Variants in TNFRSF10D observed in about 807,000 individuals in gnomAD.
TNFRSF10D encodes tumor necrosis factor receptor superfamily member 10D.
A neutral mutation model predicts 42.1 loss-of-function variants in TNFRSF10D; 28 were observed. The ratio of observed to expected loss-of-function variants is 0.66; its 90% CI spans 0.49 to 0.91. The LOEUF is 0.91. TNFRSF10D is among the 40% of genes least tolerant of loss of function. The probability of loss-of-function intolerance (pLI) is 0.00; values close to 1 mark genes in which losing one functional copy is unlikely to be tolerated. For missense variants in TNFRSF10D, 503 were observed against 486.1 expected (o/e 1.03, Z -0.33); for synonymous variants, 186 against 189.4 (o/e 0.98, Z 0.15).
Position 23,158,610 on chromosome 8 carries a change from G to A in TNFRSF10D, c.151-3631C>T, listed in dbSNP as rs188166381. 2.6e-5 allele frequency among the ~76,000 whole-genome samples: 4 copies of A among 152,170 alleles called. No individual in the cohort carries two copies. In the East Asian group the frequency reaches 7.7e-4, roughly 29 times the overall value. ...CCTATACGTTTACCATTTAAACTAC[G>A]GTTGTCTAGTCTAATTTTTTTACTC... On this transcript the variant is annotated intron_variant, in intron 1 of 8. Coordinates refer to ENST00000312584, the MANE Select transcript of TNFRSF10D (RefSeq NM_003840.5).
At chr8:23,155,718 C>CA (rs1230033117) in intron 1 of TNFRSF10D, among the ~76,000 whole-genome samples, 1 of 149,142 alleles carries the variant, frequency 6.7e-6, no homozygotes, top group African/African-American at 2.5e-5. Flanking sequence ...AAACAAAAAA[C>CA]AAAAAACAAA....
chr8:23,163,994 T>C lies in TNFRSF10D; in HGVS notation c.-59A>G, dbSNP rs1585268546. 1.3e-6 allele frequency: 2 copies of C among 1,494,444 alleles called. No homozygotes were observed. Among genetic ancestry groups the C allele is most frequent in the Middle Eastern group, 3.6e-4 (2 of 5,630 alleles). The allele number at this position is 1,494,444 out of a possible 1,614,324, so 92.6% of individuals were successfully genotyped here. On this transcript the variant is annotated 5_prime_UTR_variant, in exon 1 of 9. Transcript: ENST00000312584. Reference sequence around the variant, plus strand: ...AATCAATCAGAAATCGTCCCCGTAGTTTGTGCGCGTGCAAAGGTTCTCGCA... The same window carrying C: ...AATCAATCAGAAATCGTCCCCGTAGCTTGTGCGCGTGCAAAGGTTCTCGCA...
At chr8:23,141,841 A>G (rs2128835900) in intron 7 of TNFRSF10D, among the ~76,000 whole-genome samples, 2 of 152,370 alleles carry the variant, frequency 1.3e-5, no homozygotes, top group Admixed American at 1.3e-4. Flanking sequence ...ACTATGAAGA[A>G]AAAGGATCAT....
At chr8:23,147,828 C>T (rs1563357769) in intron 3 of TNFRSF10D, among the ~76,000 whole-genome samples, 1 of 151,720 alleles carries the variant, frequency 6.6e-6, no homozygotes, top group Non-Finnish European at 1.5e-5. Context: ...TTTGGGAGGC[C>T]GAGGTGGGTG....
Position 23,145,061 on chromosome 8 carries a change from G to C in TNFRSF10D, c.765C>G (p.His255Gln), listed in dbSNP as rs745851180. The change falls in exon 6 of 9, where the codon CAC becomes CAG. Residue 255 changes from histidine to glutamine, a missense_variant. Coordinates refer to ENST00000312584, the MANE Select transcript of TNFRSF10D (RefSeq NM_003840.5). The stretch of plus-strand genomic sequence containing the variant: ...GTTTCTGGAGAAACCAACTCACTCT[G>C]TGCACACGTTCGGGACCTCCTCCAC... ...SGGGGGPERV[H>Q]RVLFRRRSCP... 1.9e-6 allele frequency: 3 copies of C among 1,614,012 alleles called. No individual in the cohort carries two copies. The highest frequency in any genetic ancestry group is 1.7e-6 in the Non-Finnish European group (2 of 1,180,022).
chr8:23,155,304 AGGT>A (rs1205393137), intron 1 of TNFRSF10D, among the ~76,000 whole-genome samples: 1 of 151,148 alleles, frequency 6.6e-6, no homozygotes, highest in Non-Finnish European at 1.5e-5. Context: ...GTCTATTCAC[AGGT>A]GTGATCATAG....
intron 1 of TNFRSF10D, among the ~76,000 whole-genome samples, chr8:23,157,191 C>A (rs543696513): frequency 3.1e-4 from 47 of 152,178 alleles, no homozygotes; most frequent in Non-Finnish European, 6.8e-4. Flanking sequence ...TCAGGAGTAA[C>A]TCCCCATCTC....
chr8:23,154,368 C>G (rs1800246646), intron 2 of TNFRSF10D, among the ~76,000 whole-genome samples: 2 of 152,102 alleles, frequency 1.3e-5, no homozygotes, highest in African/African-American at 4.8e-5. Context: ...GGAATATATT[C>G]CATGGAACAA....
At chr8:23,145,359 C>G (rs1271510005) in intron 5 of TNFRSF10D, among the ~76,000 whole-genome samples, 2 of 152,252 alleles carry the variant, frequency 1.3e-5, no homozygotes, top group Admixed American at 6.5e-5. Context: ...CATCCTGACC[C>G]TTGTCACCCA....
chr8:23,146,196 G>A (rs1165072799), intron 4 of TNFRSF10D, among the ~76,000 whole-genome samples: 1 of 152,218 alleles, frequency 6.6e-6, no homozygotes, highest in African/African-American at 2.4e-5. Context: ...CTGGGCTGCA[G>A]GGGAGGCCTG....
chr8:23,159,457 CT>C (rs1032077151), intron 1 of TNFRSF10D, among the ~76,000 whole-genome samples: 6 of 152,314 alleles, frequency 3.9e-5, no homozygotes, highest in Middle Eastern at 3.4e-3. Context: ...AACCACTCAG[CT>C]TTTTAGCCTC....
chr8:23,138,229 C>T lies in TNFRSF10D; in HGVS notation c.986G>A (p.Arg329Lys), dbSNP rs556077192. 1.2e-6 allele frequency: 2 copies of T among 1,614,238 alleles called. No homozygotes were observed. The highest frequency in any genetic ancestry group is 2.2e-5 in the East Asian group (1 of 44,884). The change falls in exon 8 of 9, where the codon AGG becomes AAG. Residue 329 changes from arginine to lysine, a missense_variant. Arg to Lys is a conservative substitution (Grantham distance 26). Transcript: ENST00000312584. Reference sequence around the variant, plus strand: ...GTCATTCACTGGAACCAGCAGCCTCCTCCTCTGACACCCTTCAGCTTCTGC... The same window carrying T: ...GTCATTCACTGGAACCAGCAGCCTCTTCCTCTGACACCCTTCAGCTTCTGC... ...EQAEAEGCQR[R>K]RLLVPVNDAD...
Position 23,135,833 on chromosome 8 carries a change from T to C in TNFRSF10D, c.*2037A>G. The C allele has an allele frequency of 4.5e-6, 2 of 445,952 alleles. No homozygotes were observed. Among genetic ancestry groups the C allele is most frequent in the Non-Finnish European group, 9.0e-6 (2 of 222,750 alleles). The allele number at this position is 445,952 out of a possible 1,614,324, so 27.6% of individuals were successfully genotyped here. A position where few individuals can be genotyped will look rare whatever the true frequency, so the allele number is the denominator to read the frequency against. ...GCCTCTGAGGAAGGGACAAAGGAGC[T>C]GGGACCGGACTGGCTCTCTCTGAGC... On this transcript the variant is annotated 3_prime_UTR_variant, in exon 9 of 9. Transcript: ENST00000312584.
chr8:23,163,684 G>A, intron 1 of TNFRSF10D, 102 bp downstream of exon 1: 1 of 1,507,488 alleles, frequency 6.6e-7, no homozygotes, highest in Non-Finnish European at 8.9e-7. Flanking sequence ...CCCGGCCGCA[G>A]GCGACCCGGG....
chr8:23,143,949 T>G (rs1370888656), intron 7 of TNFRSF10D, among the ~76,000 whole-genome samples: 1 of 151,850 alleles, frequency 6.6e-6, no homozygotes, highest in Non-Finnish European at 1.5e-5. Flanking sequence ...AATAACTGGA[T>G]GTGTGTGTTT....
chr8:23,162,271 C>G (rs949552114), intron 1 of TNFRSF10D, among the ~76,000 whole-genome samples: 3 of 152,178 alleles, frequency 2.0e-5, no homozygotes, highest in Non-Finnish European at 4.4e-5. Context: ...CTGTGAAATT[C>G]AGGTTGCTGG....
At chr8:23,155,057 A>G (rs1800257487) in intron 1 of TNFRSF10D, 78 bp from the exon 2 acceptor site, 1 of 1,129,116 alleles carries the variant, frequency 8.9e-7, no homozygotes, top group East Asian at 2.7e-5. Context: ...CATTCCCTTC[A>G]CCCCAAGTGA....
chr8:23,163,146 C>CTGGA, intron 1 of TNFRSF10D, among the ~76,000 whole-genome samples: 1 of 125,162 alleles, frequency 8.0e-6, no homozygotes, highest in South Asian at 2.6e-4. Context: ...GTTGACCAGG[C>CTGGA]TGGAGTGCGA....
intron 6 of TNFRSF10D, 146 bp downstream of exon 6, chr8:23,144,912 C>T: frequency 7.8e-7 from 1 of 1,279,140 alleles, no homozygotes; most frequent in Non-Finnish European, 1.1e-6. Context: ...CCGTGTGTCC[C>T]CCACAGTCAG....
Sources: gnomAD v4.1 joint callset for allele counts (sites outside exome capture counted in the v4.1 genomes callset) on GRCh38, gnomAD v4.1.1 for gene constraint, MANE v1.5 for transcripts, NCBI Gene and HGNC (gene_info 2026-07-23, HGNC 2026-07-21) for gene names.